Variants in RGS6 observed in about 807,000 individuals in gnomAD.
RGS6 encodes the protein regulator of G-protein signaling 6.
A neutral mutation model predicts 78.5 loss-of-function variants in RGS6; 30 were observed. The ratio of observed to expected loss-of-function variants is 0.38; its 90% CI spans 0.29 to 0.52. The LOEUF (loss-of-function observed/expected upper bound fraction) is 0.52. Among genes scored for constraint, RGS6 ranks in the 20% least tolerant of loss-of-function variants. The probability of loss-of-function intolerance (pLI) is 0.85; values close to 1 mark genes in which losing one functional copy is unlikely to be tolerated. For synonymous variants in RGS6, 206 were observed against 206.0 expected (o/e 1.00, Z 0.00); for missense variants, 495 against 609.7 (o/e 0.81, Z 1.98).
chr14:71,984,355 A>T (rs1883052468), intron 2 of RGS6, among the ~76,000 whole-genome samples: 1 of 149,838 alleles, frequency 6.7e-6, no homozygotes, highest in Admixed American at 6.7e-5. Context: ...TAAGAGAGTT[A>T]GTGTGAGAGC....
At chr14:72,513,006 T>C (rs1271216918) in intron 14 of RGS6, among the ~76,000 whole-genome samples, 2 of 152,300 alleles carry the variant, frequency 1.3e-5, no homozygotes, top group East Asian at 1.9e-4. Context: ...CAACCTGTCA[T>C]GTTGGCCGTG....
At chr14:72,044,528 C>T (rs557577189) in intron 2 of RGS6, among the ~76,000 whole-genome samples, 1 of 152,280 alleles carries the variant, frequency 6.6e-6, no homozygotes, top group East Asian at 1.9e-4. Flanking sequence ...CTCTCTCCCT[C>T]CCTTCTAGAG....
intron 2 of RGS6, among the ~76,000 whole-genome samples, chr14:72,157,473 A>C (rs187088141): frequency 7.2e-5 from 11 of 152,206 alleles, no homozygotes; most frequent in African/African-American, 2.7e-4. Context: ...CAGAGGTGCT[A>C]TGTGTGGCTG....
At chr14:72,491,419 A>T (rs74694134) in intron 12 of RGS6, among the ~76,000 whole-genome samples, 1,628 of 152,332 alleles carry the variant, frequency 0.011, 55 homozygotes, top group East Asian at 0.095. Flanking sequence ...AACCAAGACA[A>T]TATTGTAGAC....
At chr14:72,326,560 A>G in intron 2 of RGS6, among the ~76,000 whole-genome samples, 1 of 152,066 alleles carries the variant, frequency 6.6e-6, no homozygotes, top group Admixed American at 6.5e-5. Context: ...CACATGAAAT[A>G]CCTGCTACCC....
At chr14:71,939,158 C>T (rs2090078803) in intron 1 of RGS6, among the ~76,000 whole-genome samples, 4 of 152,126 alleles carry the variant, frequency 2.6e-5, no homozygotes, top group African/African-American at 9.7e-5. Flanking sequence ...TGTGTTGCCT[C>T]CAAAATCCAA....
chr14:72,280,859 ACG>A (rs1278419231), intron 2 of RGS6, among the ~76,000 whole-genome samples: 1 of 152,198 alleles, frequency 6.6e-6, no homozygotes, highest in African/African-American at 2.4e-5. Context: ...CACTCTTCAA[ACG>A]GCCAAATGCC....
intron 2 of RGS6, among the ~76,000 whole-genome samples, chr14:72,313,633 A>G (rs927821176): frequency 3.3e-5 from 5 of 152,230 alleles, no homozygotes; most frequent in Non-Finnish European, 7.3e-5. Flanking sequence ...TAGCTTATCT[A>G]CACGAGCCTC....
intron 2 of RGS6, among the ~76,000 whole-genome samples, chr14:72,204,865 A>G (rs1173538754): frequency 6.6e-6 from 1 of 152,196 alleles, no homozygotes; most frequent in Non-Finnish European, 1.5e-5. Flanking sequence ...TGCTGTACTT[A>G]TATCCAGGGG....
intron 2 of RGS6, among the ~76,000 whole-genome samples, chr14:72,163,361 T>A (rs1412702673): frequency 1.3e-5 from 2 of 152,156 alleles, no homozygotes; most frequent in African/African-American, 4.8e-5. Context: ...GCCAATGAGG[T>A]TGATAATTCA....
intron 3 of RGS6, among the ~76,000 whole-genome samples, chr14:72,426,501 A>G (rs2094440044): frequency 6.6e-6 from 1 of 152,246 alleles, no homozygotes; most frequent in Admixed American, 6.5e-5. Flanking sequence ...GTCAAGTAGG[A>G]AAGATACATT....
chr14:71,946,008 A>G (rs1056341289), intron 1 of RGS6, among the ~76,000 whole-genome samples: 1 of 152,302 alleles, frequency 6.6e-6, no homozygotes, highest in South Asian at 2.1e-4. Context: ...ATCAAGCAGG[A>G]AGATGCCATT....
At chr14:72,239,004 A>G (rs2051987350) in intron 2 of RGS6, among the ~76,000 whole-genome samples, 1 of 151,576 alleles carries the variant, frequency 6.6e-6, no homozygotes, top group Admixed American at 6.6e-5. Context: ...AAAGAATTCA[A>G]TGGAGGGGCA....
chr14:72,416,039 T>C (rs1442270189), intron 3 of RGS6, among the ~76,000 whole-genome samples: 1 of 151,376 alleles, frequency 6.6e-6, no homozygotes, highest in Admixed American at 6.6e-5. Context: ...TCCCAGCTTC[T>C]CAGGAGGCTG....
At chr14:72,187,123 G>A (rs572788426) in intron 2 of RGS6, among the ~76,000 whole-genome samples, 1 of 152,266 alleles carries the variant, frequency 6.6e-6, no homozygotes, top group South Asian at 2.1e-4. Context: ...ATTATTGTTG[G>A]TTATTCAAAT....
intron 2 of RGS6, among the ~76,000 whole-genome samples, chr14:72,163,025 C>A (rs920819975): frequency 1.1e-4 from 16 of 152,166 alleles, no homozygotes; most frequent in African/African-American, 3.6e-4. Context: ...AAGAATAATA[C>A]AATGAACTTC....
At chr14:71,870,597 C>T in the RGS6 span, among the ~76,000 whole-genome samples, 7 of 152,232 alleles carry the variant, frequency 4.6e-5, no homozygotes, top group East Asian at 1.9e-4. Context: ...CTTGGTATCA[C>T]GGGAAGCACA....
At chr14:72,476,625 A>G in intron 10 of RGS6, 117 bp from the exon 11 acceptor site, 1 of 681,224 alleles carries the variant, frequency 1.5e-6, no homozygotes. Context: ...GCAGAGACCA[A>G]TCTCTTATTG....
chr14:72,505,765 G>A (rs537831911), intron 13 of RGS6, among the ~76,000 whole-genome samples: 1 of 152,290 alleles, frequency 6.6e-6, no homozygotes, highest in South Asian at 2.1e-4. Flanking sequence ...TACAATGTCA[G>A]CCTCCCTGGC....
Sources: allele counts gnomAD v4.1 joint callset (sites outside exome capture counted in the v4.1 genomes callset), GRCh38; gene constraint gnomAD v4.1.1; transcripts MANE v1.5; gene names NCBI Gene and HGNC (gene_info 2026-07-23, HGNC 2026-07-21).